The following COTL1 variants were observed in gnomAD, a reference collection of about 807,000 sequenced individuals.
The protein encoded by COTL1 is coactosin like F-actin binding protein 1, also known as coactosin-like protein.
A neutral mutation model predicts 16.5 loss-of-function variants in COTL1; 15 were observed. The observed-to-expected ratio is 0.91, with a 90% CI of 0.61 to 1.40. The LOEUF is 1.40. Ranked by LOEUF, COTL1 falls within the 40% of genes most tolerant of loss-of-function variation. The pLI is 0.00. For missense variants in COTL1, 220 were observed against 201.5 expected (o/e 1.09, Z -0.56); for synonymous variants, 112 against 85.3 (o/e 1.31, Z -1.73).
intron 2 of COTL1, chr16:84,594,762 GT>G (rs35972593): frequency 6.6e-6 from 1 of 152,402 alleles, no homozygotes; most frequent in Non-Finnish European, 1.5e-5. Context: ...GGCCAACGCA[GT>G]TTTTGGGGAC....
At position 84,617,372 on chromosome 16, in the gene COTL1, T is replaced by C. The variant is rs182113719; in HGVS notation, c.160+129A>G. 2.1e-5 allele frequency: 17 copies of C among 799,460 alleles called. No individual in the cohort carries two copies. The East Asian group carries it at 4.6e-4, about 22-fold the overall frequency. The allele number at this position is 799,460 out of a possible 1,614,324, so 49.5% of individuals were successfully genotyped here. A position where few individuals can be genotyped will look rare whatever the true frequency, so the allele number is the denominator to read the frequency against. Reference sequence around the variant, plus strand: ...CCTTAAAACGCTCACACCGGGTTCCTCCCACGCCATGCGCCAGGGGCACCC... The same window carrying C: ...CCTTAAAACGCTCACACCGGGTTCCCCCCACGCCATGCGCCAGGGGCACCC... On this transcript the variant is annotated intron_variant, in intron 2 of 3. Transcript: ENST00000262428.
At chr16:84,582,988 C>T (rs191877500) in intron 3 of COTL1, among the ~76,000 whole-genome samples, 10 of 152,282 alleles carry the variant, frequency 6.6e-5, no homozygotes, top group Admixed American at 2.6e-4. Context: ...CAAGGAAGAT[C>T]GAGAATCAGG....
intron 2 of COTL1, among the ~76,000 whole-genome samples, chr16:84,611,969 G>C (rs1463731668): frequency 6.6e-6 from 1 of 152,020 alleles, no homozygotes; most frequent in Non-Finnish European, 1.5e-5. Flanking sequence ...ATTGCTCCAG[G>C]CTCCCAGTGG....
chr16:84,609,473 A>G (rs891484251), intron 2 of COTL1, among the ~76,000 whole-genome samples: 1 of 152,224 alleles, frequency 6.6e-6, no homozygotes, highest in African/African-American at 2.4e-5. Flanking sequence ...GCCTCCTTCA[A>G]TCCTTTCTTC....
At chr16:84,616,074 G>A (rs990865513) in intron 2 of COTL1, 8 of 152,200 alleles carry the variant, frequency 5.3e-5, no homozygotes, top group Non-Finnish European at 8.8e-5. Flanking sequence ...ACTGTTCTGA[G>A]CATTTTATAC....
intron 3 of COTL1, among the ~76,000 whole-genome samples, chr16:84,569,702 C>T (rs192689210): frequency 2.6e-5 from 4 of 152,336 alleles, no homozygotes; most frequent in Admixed American, 2.6e-4. Flanking sequence ...CACCCCACTA[C>T]AGTGTGTTAC....
chr16:84,586,152 G>C (rs1228593244), intron 3 of COTL1, among the ~76,000 whole-genome samples: 1 of 152,164 alleles, frequency 6.6e-6, no homozygotes, highest in African/African-American at 2.4e-5. Context: ...CTGTGCAGAG[G>C]CTGCCTGACG....
chr16:84,584,890 C>A (rs1003501087), intron 3 of COTL1, among the ~76,000 whole-genome samples: 1 of 152,164 alleles, frequency 6.6e-6, no homozygotes, highest in African/African-American at 2.4e-5. Context: ...AAGCCATGTG[C>A]CCAAGGCCAC....
intron 3 of COTL1, among the ~76,000 whole-genome samples, chr16:84,584,017 C>T (rs1207870800): frequency 6.6e-6 from 1 of 152,230 alleles, no homozygotes; most frequent in Non-Finnish European, 1.5e-5. Context: ...CCAAGCATGG[C>T]TCTAAATCAA....
chr16:84,610,025 G>C (rs1391822731), intron 2 of COTL1, among the ~76,000 whole-genome samples: 1 of 152,160 alleles, frequency 6.6e-6, no homozygotes, highest in South Asian at 2.1e-4. Flanking sequence ...GTGGGGGTAG[G>C]AACACAAGAA....
intron 2 of COTL1, among the ~76,000 whole-genome samples, chr16:84,608,463 C>T (rs1426062347): frequency 6.6e-6 from 1 of 152,160 alleles, no homozygotes; most frequent in Non-Finnish European, 1.5e-5. Flanking sequence ...ACCACAAAGC[C>T]CACGCCCCTG....
intron 2 of COTL1, among the ~76,000 whole-genome samples, chr16:84,592,663 C>T (rs1198215040): frequency 6.6e-6 from 1 of 152,062 alleles, no homozygotes; most frequent in Non-Finnish European, 1.5e-5. Context: ...TGCAGAGTCC[C>T]GCACGAAGCA....
intron 2 of COTL1, among the ~76,000 whole-genome samples, chr16:84,598,517 C>T (rs1481150808): frequency 2.6e-5 from 4 of 152,156 alleles, no homozygotes; most frequent in South Asian, 4.1e-4. Context: ...GCAGCCGGCC[C>T]TGGTGGCTGT....
intron 2 of COTL1, among the ~76,000 whole-genome samples, chr16:84,614,307 C>A (rs541678956): frequency 2.0e-5 from 3 of 152,134 alleles, no homozygotes; most frequent in Non-Finnish European, 2.9e-5. Flanking sequence ...GAAGAAGCAG[C>A]GCAGACCCAG....
chr16:84,591,911 G>A (rs995184890), intron 2 of COTL1, among the ~76,000 whole-genome samples: 1 of 151,168 alleles, frequency 6.6e-6, no homozygotes, highest in East Asian at 1.9e-4. Flanking sequence ...TGTGTGCATT[G>A]CATGTGTGTG....
chr16:84,601,410 C>T (rs764142344), intron 2 of COTL1, among the ~76,000 whole-genome samples: 1 of 152,240 alleles, frequency 6.6e-6, no homozygotes. Context: ...GCCTGGGCAG[C>T]TGTGACCAGG....
intron 2 of COTL1, among the ~76,000 whole-genome samples, chr16:84,601,630 T>C (rs184856655): frequency 4.5e-4 from 69 of 152,306 alleles, no homozygotes; most frequent in African/African-American, 1.5e-3. Context: ...CTAATTTTTG[T>C]ATTTTAATAT....
At chr16:84,573,740 CA>C (rs72401655) in intron 3 of COTL1, among the ~76,000 whole-genome samples, 44,243 of 103,984 alleles carry the variant, frequency 0.43, 6,837 homozygotes, top group Non-Finnish European at 0.47. Context: ...AACTCTGTCT[CA>C]AAAAAAAAAA....
At chr16:84,573,768 T>TAC (rs3086225) in intron 3 of COTL1, among the ~76,000 whole-genome samples, 61,156 of 145,952 alleles carry the variant, frequency 0.42, 13,819 homozygotes, top group Non-Finnish European at 0.54. Context: ...TATATATACA[T>TAC]ACACACACAC....
Sources: gnomAD v4.1 joint callset for allele counts (sites outside exome capture counted in the v4.1 genomes callset) on GRCh38, gnomAD v4.1.1 for gene constraint, MANE v1.5 for transcripts, NCBI Gene and HGNC (gene_info 2026-07-23, HGNC 2026-07-21) for gene names.